The following AOPEP variants were observed in gnomAD, a reference collection of about 807,000 sequenced individuals.
AOPEP encodes aminopeptidase O (putative), also known as aminopeptidase O.
In AOPEP, 77 loss-of-function variants were observed where a neutral mutation model predicts 98.1. The observed-to-expected ratio is 0.78, with a 90% confidence interval of 0.65 to 0.95. AOPEP has a LOEUF of 0.95. Ranked by LOEUF, AOPEP falls within the 40% of genes least tolerant of loss-of-function variation. The probability of loss-of-function intolerance (pLI) is 0.00; values close to 1 mark genes in which losing one functional copy is unlikely to be tolerated. For missense variants in AOPEP, 1,024 were observed against 1,024.7 expected (o/e 1.00, Z 0.01); for synonymous variants, 346 against 365.3 (o/e 0.95, Z 0.60).
intron 1 of AOPEP, among the ~76,000 whole-genome samples, chr9:94,729,093 A>G (rs191183252): frequency 6.6e-6 from 1 of 152,320 alleles, no homozygotes; most frequent in Admixed American, 6.5e-5. Context: ...AGAGTCAGAT[A>G]TTCTTGTGAT....
chr9:94,891,471 T>C (rs2048874604), intron 5 of AOPEP, among the ~76,000 whole-genome samples: 1 of 151,950 alleles, frequency 6.6e-6, no homozygotes, highest in Admixed American at 6.5e-5. Context: ...TTTGTTATTC[T>C]TCTGTTTCTT....
Position 94,797,464 on chromosome 9 carries a change from TC to T in AOPEP, c.1119-3292del, listed in dbSNP as rs1308512234. Among the ~76,000 whole-genome samples, 4 of 151,542 alleles carry T rather than the reference TC, an allele frequency of 2.6e-5. No homozygotes were observed. The East Asian group carries it at 5.8e-4, about 22-fold the overall frequency. On this transcript the variant is annotated intron_variant, in intron 4 of 16. Coordinates refer to ENST00000375315, the MANE Select transcript of AOPEP (RefSeq NM_001193329.3). Reference sequence around the variant, plus strand: ...AAAAAAAGTACAGAATCCCCTGACCTCTTCAGAAACAAGGCGATTCTATGAA... The same window carrying T: ...AAAAAAAGTACAGAATCCCCTGACCTTTCAGAAACAAGGCGATTCTATGAA...
At chr9:95,139,820 GAATA>G in the AOPEP span, among the ~76,000 whole-genome samples, 1 of 143,826 alleles carries the variant, frequency 7.0e-6, no homozygotes, top group Non-Finnish European at 1.5e-5. Context: ...CTGACAAAAT[GAATA>G]TATATATATT....
rs140987506 is a variant in AOPEP, at chr9:94,786,132, TACA to T, written c.965-6623_965-6621del. On this transcript the variant is annotated intron_variant, in intron 3 of 16. Transcript: ENST00000375315. The stretch of plus-strand genomic sequence containing the variant: ...AAGATGAGAGCTTGCAGATGAAGAC[TACA>T]ACAACAACAGATGATGACAGCACCT... Among the ~76,000 whole-genome samples, 1,067 of 152,318 alleles carry T rather than the reference TACA, an allele frequency of 7.0e-3. 7 individuals carry two copies. The highest frequency in any genetic ancestry group is 0.024 in the African/African-American group (977 of 41,552).
the AOPEP span, chr9:95,113,680 T>C: frequency 5.3e-5 from 8 of 151,494 alleles, no homozygotes; most frequent in Non-Finnish European, 7.4e-5. Flanking sequence ...TGGAGTGCAG[T>C]GGCACGATCT....
At chr9:94,821,999 A>ACG (rs1853298980) in intron 5 of AOPEP, among the ~76,000 whole-genome samples, 1 of 146,936 alleles carries the variant, frequency 6.8e-6, no homozygotes, top group Non-Finnish European at 1.5e-5. Context: ...ACACACACAC[A>ACG]CACACACACA....
chr9:94,952,247 T>A (rs1421328889), intron 7 of AOPEP, among the ~76,000 whole-genome samples: 1 of 152,242 alleles, frequency 6.6e-6, no homozygotes, highest in Non-Finnish European at 1.5e-5. Context: ...GTGTATGCTG[T>A]TTCATGTACG....
At chr9:94,810,413 C>T (rs1850275215) in intron 5 of AOPEP, among the ~76,000 whole-genome samples, 1 of 151,162 alleles carries the variant, frequency 6.6e-6, no homozygotes, top group Non-Finnish European at 1.5e-5. Flanking sequence ...CTCCCAGGTT[C>T]AAGCGATTCT....
chr9:94,962,868 C>T lies in AOPEP; in HGVS notation c.1873-4890C>T, dbSNP rs920729167. ...CCGCCATTCTCCTGCCTCAGCCTCCCGAGTAGCTGGGACTACAGGCACCCG... is the reference window on the plus strand; with the variant it reads ...CCGCCATTCTCCTGCCTCAGCCTCCTGAGTAGCTGGGACTACAGGCACCCG... On this transcript the variant is annotated intron_variant, in intron 9 of 16. Transcript: ENST00000375315. 4.3e-4 allele frequency among the ~76,000 whole-genome samples: 66 copies of T among 151,978 alleles called. 1 individual carries two copies. The highest frequency in any genetic ancestry group is 1.5e-3 in the African/African-American group (63 of 41,354).
At chr9:94,936,397 A>G (rs917500121) in intron 7 of AOPEP, among the ~76,000 whole-genome samples, 1 of 152,272 alleles carries the variant, frequency 6.6e-6, no homozygotes, top group South Asian at 2.1e-4. Flanking sequence ...ATAAGTTACT[A>G]AAGGCCAACA....
At chr9:94,845,120 A>G (rs2042701863) in intron 5 of AOPEP, among the ~76,000 whole-genome samples, 1 of 152,216 alleles carries the variant, frequency 6.6e-6, no homozygotes, top group South Asian at 2.1e-4. Context: ...TTCTTAGGTA[A>G]TGAAAGCACT....
Position 94,759,741 on chromosome 9 carries a change from C to T in AOPEP, c.-43C>T, listed in dbSNP as rs1404270746. The T allele has an allele frequency of 6.7e-7, 1 of 1,486,674 alleles. No individual in the cohort carries two copies. The highest frequency in any genetic ancestry group is 9.2e-7 in the Non-Finnish European group (1 of 1,087,990). The allele number at this position is 1,486,674 out of a possible 1,614,324, so 92.1% of individuals were successfully genotyped here. On this transcript the variant is annotated 5_prime_UTR_variant, in exon 2 of 17. Coordinates refer to ENST00000375315, the MANE Select transcript of AOPEP (RefSeq NM_001193329.3). ...GGAAGATTAAGGCAGATAGGAAACC[C>T]CATCTGAGATTTTAATAAATCCCTC...
chr9:94,767,890 T>C (rs902938093), intron 2 of AOPEP, among the ~76,000 whole-genome samples: 1 of 152,134 alleles, frequency 6.6e-6, no homozygotes, highest in Non-Finnish European at 1.5e-5. Flanking sequence ...AGTAGAAAAG[T>C]AGAATAATAA....
intron 1 of AOPEP, among the ~76,000 whole-genome samples, chr9:94,742,803 A>G (rs1482176188): frequency 6.6e-6 from 1 of 152,154 alleles, no homozygotes; most frequent in Non-Finnish European, 1.5e-5. Flanking sequence ...AATTTGGGGC[A>G]TGTAATTTTG....
At chr9:94,902,783 C>T (rs1588796214) in intron 5 of AOPEP, among the ~76,000 whole-genome samples, 1 of 150,654 alleles carries the variant, frequency 6.6e-6, no homozygotes, top group Non-Finnish European at 1.5e-5. Context: ...TTGCCGGGCA[C>T]CGTGGCTCAC....
the AOPEP span, among the ~76,000 whole-genome samples, chr9:95,128,457 T>A: frequency 4.6e-5 from 7 of 152,210 alleles, no homozygotes; most frequent in Admixed American, 1.3e-4. Flanking sequence ...TTCTAAATGG[T>A]CAAACTATCC....
chr9:95,043,315 T>C (rs1218872905), intron 13 of AOPEP, among the ~76,000 whole-genome samples: 1 of 151,428 alleles, frequency 6.6e-6, no homozygotes, highest in African/African-American at 2.4e-5. Context: ...TATACAGATA[T>C]ATGCTATTAT....
At chr9:94,966,050 C>T (rs2059177152) in intron 9 of AOPEP, among the ~76,000 whole-genome samples, 1 of 146,752 alleles carries the variant, frequency 6.8e-6, no homozygotes, top group Non-Finnish European at 1.5e-5. Context: ...AGACTTGGTT[C>T]TATTGGGAGG....
At position 95,086,825 on chromosome 9, in the gene AOPEP, T is replaced by A; in HGVS notation, c.*148T>A. The A allele has an allele frequency of 1.0e-6, 1 of 987,980 alleles. No homozygotes were observed. Among genetic ancestry groups the A allele is most frequent in the Non-Finnish European group, 1.2e-6 (1 of 830,122 alleles). 61.2% of individuals were successfully genotyped at this position (987,980 alleles called of 1,614,324 possible). ...CTGTTCACATCTTGGTGCTTCTCTT[T>A]CCCAGAGGCTGGTCCCAGCCAGGCA... is the stretch of plus-strand genomic sequence containing the variant. On this transcript the variant is annotated 3_prime_UTR_variant, in exon 17 of 17. Transcript: ENST00000375315.
Sources: allele counts gnomAD v4.1 joint callset (sites outside exome capture counted in the v4.1 genomes callset), GRCh38; gene constraint gnomAD v4.1.1; transcripts MANE v1.5; gene names NCBI Gene and HGNC (gene_info 2026-07-23, HGNC 2026-07-21).